Variants in CDH13 observed in about 807,000 individuals in gnomAD.
CDH13 encodes cadherin-13.
A neutral mutation model predicts 63.8 loss-of-function variants in CDH13; 24 were observed. The ratio of observed to expected loss-of-function variants is 0.38; its 90% CI spans 0.27 to 0.53. The LOEUF (loss-of-function observed/expected upper bound fraction) is 0.53. Ranked by LOEUF, CDH13 falls within the 20% of genes least tolerant of loss-of-function variation. The pLI is 0.85. For synonymous variants in CDH13, 503 were observed against 355.3 expected (o/e 1.42, Z -4.67); for missense variants, 1,049 against 903.1 (o/e 1.16, Z -2.07).
At chr16:83,653,736 A>T (rs1288477704) in intron 8 of CDH13, among the ~76,000 whole-genome samples, 1 of 152,212 alleles carries the variant, frequency 6.6e-6, no homozygotes, top group Non-Finnish European at 1.5e-5. Flanking sequence ...TTTTTCTTCA[A>T]ATAATCCAAC....
chr16:83,372,942 G>T (rs1198530188), intron 6 of CDH13, among the ~76,000 whole-genome samples: 1 of 151,994 alleles, frequency 6.6e-6, no homozygotes, highest in Admixed American at 6.6e-5. Flanking sequence ...TGGACCTTTG[G>T]CAGAGTCAAG....
At chr16:82,790,009 A>G (rs959083001) in intron 1 of CDH13, among the ~76,000 whole-genome samples, 4 of 152,146 alleles carry the variant, frequency 2.6e-5, no homozygotes, top group Admixed American at 2.0e-4. Context: ...GCTTCTGCTC[A>G]CTATGACATG....
chr16:83,414,146 C>G (rs1319435334), intron 6 of CDH13, among the ~76,000 whole-genome samples: 1 of 152,156 alleles, frequency 6.6e-6, no homozygotes, highest in Non-Finnish European at 1.5e-5. Flanking sequence ...CAAAAATATT[C>G]TCATTCCTAC....
intron 6 of CDH13, among the ~76,000 whole-genome samples, 200 bp downstream of exon 6, chr16:83,345,206 C>G (rs1468799606): frequency 6.6e-6 from 1 of 152,196 alleles, no homozygotes; most frequent in Non-Finnish European, 1.5e-5. Context: ...ACGGAAATCT[C>G]TTTCATTGTC....
chr16:83,407,912 A>G (rs1385173414), intron 6 of CDH13, among the ~76,000 whole-genome samples: 1 of 152,090 alleles, frequency 6.6e-6, no homozygotes, highest in Non-Finnish European at 1.5e-5. Context: ...CAGAGTTTCC[A>G]TTTGCTTCTT....
intron 5 of CDH13, among the ~76,000 whole-genome samples, chr16:83,271,591 G>T (rs56279165): frequency 1.3e-5 from 2 of 150,954 alleles, no homozygotes; most frequent in East Asian, 3.9e-4. Flanking sequence ...GCATACCCAA[G>T]ATCATAAATA....
At chr16:83,529,769 A>G (rs2151631010) in intron 7 of CDH13, among the ~76,000 whole-genome samples, 1 of 152,306 alleles carries the variant, frequency 6.6e-6, no homozygotes, top group East Asian at 1.9e-4. Context: ...AAAATACAAT[A>G]TTGATATTGA....
chr16:82,672,984 T>C (rs1484453415), intron 1 of CDH13, among the ~76,000 whole-genome samples: 2 of 134,340 alleles, frequency 1.5e-5, no homozygotes, highest in Non-Finnish European at 1.6e-5. Flanking sequence ...GTATGGCTAA[T>C]TTTTATAAAG....
intron 6 of CDH13, among the ~76,000 whole-genome samples, chr16:83,361,884 G>C (rs2091169086): frequency 6.6e-6 from 1 of 152,054 alleles, no homozygotes; most frequent in Non-Finnish European, 1.5e-5. Context: ...TGTTCATTTT[G>C]CTTAGGATTG....
intron 1 of CDH13, among the ~76,000 whole-genome samples, chr16:82,792,824 T>C (rs2036385676): frequency 6.6e-6 from 1 of 152,256 alleles, no homozygotes; most frequent in Admixed American, 6.5e-5. Flanking sequence ...GCATCCAGGC[T>C]GCGTGACATC....
chr16:83,503,867 C>G (rs1478376914), intron 7 of CDH13, among the ~76,000 whole-genome samples: 3 of 150,902 alleles, frequency 2.0e-5, no homozygotes, highest in Non-Finnish European at 4.4e-5. Context: ...ATGATAGTTT[C>G]TTTTGCTGTG....
intron 2 of CDH13, among the ~76,000 whole-genome samples, chr16:82,942,283 T>G (rs983795290): frequency 6.6e-6 from 1 of 152,180 alleles, no homozygotes; most frequent in African/African-American, 2.4e-5. Context: ...AGATCACCCT[T>G]TCCGTCACTG....
intron 4 of CDH13, among the ~76,000 whole-genome samples, chr16:83,216,804 GTATGTGTATA>G (rs1339704235): frequency 2.2e-4 from 33 of 150,720 alleles, no homozygotes; most frequent in African/African-American, 6.6e-4. Flanking sequence ...ATAGATGTGT[GTATGTGTATA>G]TATGTGTATA....
intron 6 of CDH13, among the ~76,000 whole-genome samples, chr16:83,429,228 G>T (rs1354731885): frequency 1.3e-5 from 2 of 152,132 alleles, no homozygotes; most frequent in African/African-American, 4.8e-5. Context: ...GACACAGACT[G>T]GTATCCCATT....
At chr16:83,478,394 C>G (rs942348143) in intron 6 of CDH13, among the ~76,000 whole-genome samples, 4 of 152,096 alleles carry the variant, frequency 2.6e-5, no homozygotes, top group Non-Finnish European at 4.4e-5. Context: ...CCCAGTCTGA[C>G]CACAGAGAGT....
intron 5 of CDH13, among the ~76,000 whole-genome samples, chr16:83,233,588 AC>A (rs1361832746): frequency 6.6e-6 from 1 of 152,096 alleles, no homozygotes; most frequent in Non-Finnish European, 1.5e-5. Context: ...ACCTTTTCCA[AC>A]TTTTGGGGGC....
chr16:83,515,180 C>T (rs1353471643), intron 7 of CDH13, among the ~76,000 whole-genome samples: 1 of 152,134 alleles, frequency 6.6e-6, no homozygotes, highest in Non-Finnish European at 1.5e-5. Flanking sequence ...TGTAAGAACT[C>T]TGTACTTGAG....
chr16:83,183,646 T>C (rs2038417503), intron 4 of CDH13, among the ~76,000 whole-genome samples: 1 of 152,192 alleles, frequency 6.6e-6, no homozygotes, highest in Admixed American at 6.5e-5. Flanking sequence ...TAGTTTGGCT[T>C]CCATTTCGCT....
intron 3 of CDH13, among the ~76,000 whole-genome samples, chr16:83,108,754 T>G: frequency 6.6e-6 from 1 of 152,138 alleles, no homozygotes; most frequent in East Asian, 1.9e-4. Flanking sequence ...TTAGAACACA[T>G]CAGGCCAGTC....
Sources: allele counts gnomAD v4.1 joint callset (sites outside exome capture counted in the v4.1 genomes callset), GRCh38; gene constraint gnomAD v4.1.1; transcripts MANE v1.5; gene names NCBI Gene and HGNC (gene_info 2026-07-23, HGNC 2026-07-21).